CHRM3: variants seen among roughly 807,000 people sequenced by gnomAD.
CHRM3 encodes muscarinic acetylcholine receptor M3.
A neutral mutation model predicts 41.8 loss-of-function variants in CHRM3; 11 were observed. The observed-to-expected ratio is 0.26, with a 90% CI of 0.17 to 0.44. The LOEUF (loss-of-function observed/expected upper bound fraction) is 0.44, where lower values mean the gene tolerates loss of function less well. Among genes scored for constraint, CHRM3 ranks in the 20% least tolerant of loss-of-function variants. The pLI, the probability that CHRM3 is intolerant of heterozygous loss-of-function variation, is 1.00. For missense variants in CHRM3, 571 were observed against 745.4 expected (o/e 0.77, Z 2.72); for synonymous variants, 297 against 301.4 (o/e 0.99, Z 0.15).
intron 4 of CHRM3, among the ~76,000 whole-genome samples, chr1:239,634,379 A>AAGAAAGAAAGACAGAAAGAAAGAC: frequency 6.9e-6 from 1 of 144,078 alleles, no homozygotes; most frequent in African/African-American, 2.7e-5. Flanking sequence ...GAACAAACGA[A>AAGAAAGAAAGACAGAAAGAAAGAC]AGAAAGAAAG....
chr1:239,892,645 T>C (rs558707305), intron 6 of CHRM3, among the ~76,000 whole-genome samples: 49 of 152,322 alleles, frequency 3.2e-4, no homozygotes, highest in African/African-American at 1.2e-3. Context: ...ATAATAGATC[T>C]AGTGGGGAAA....
intron 6 of CHRM3, chr1:239,886,374 A>T (rs1678073442): frequency 6.6e-6 from 1 of 152,180 alleles, no homozygotes; most frequent in African/African-American, 2.4e-5. Context: ...ACCCTGACGG[A>T]TATGGATTCT....
intron 2 of CHRM3, among the ~76,000 whole-genome samples, chr1:239,500,217 C>A (rs1032733636): frequency 2.0e-5 from 3 of 152,088 alleles, no homozygotes; most frequent in African/African-American, 7.2e-5. Context: ...GGAACCAACA[C>A]AAATGTCCAA....
intron 5 of CHRM3, among the ~76,000 whole-genome samples, chr1:239,761,061 A>C (rs1558520530): frequency 6.6e-6 from 1 of 151,686 alleles, no homozygotes; most frequent in Non-Finnish European, 1.5e-5. Context: ...CTTTTTTTTA[A>C]TGCTTTTTCA....
intron 5 of CHRM3, among the ~76,000 whole-genome samples, chr1:239,680,983 G>C (rs1043190707): frequency 6.6e-6 from 1 of 152,128 alleles, no homozygotes; most frequent in Admixed American, 6.5e-5. Context: ...ATGGCGGGAG[G>C]TGAAAGGCAC....
chr1:239,876,908 T>C (rs1360434195), intron 6 of CHRM3, among the ~76,000 whole-genome samples: 1 of 152,220 alleles, frequency 6.6e-6, no homozygotes, highest in Admixed American at 6.5e-5. Flanking sequence ...AGAAGTCATC[T>C]ACTTATTGAA....
chr1:239,493,025 A>C (rs1431943357), intron 2 of CHRM3, among the ~76,000 whole-genome samples: 1 of 152,240 alleles, frequency 6.6e-6, no homozygotes, highest in Non-Finnish European at 1.5e-5. Flanking sequence ...GAAGTAACTG[A>C]GATTCAAAAA....
intron 3 of CHRM3, among the ~76,000 whole-genome samples, chr1:239,591,243 C>A (rs1664116386): frequency 6.6e-6 from 1 of 152,098 alleles, no homozygotes; most frequent in Non-Finnish European, 1.5e-5. Context: ...GTCTCCCTTC[C>A]TTCCTTGGGT....
chr1:239,466,302 A>G (rs1665724247), intron 1 of CHRM3, among the ~76,000 whole-genome samples: 1 of 152,054 alleles, frequency 6.6e-6, no homozygotes, highest in South Asian at 2.1e-4. Context: ...GCCCATTTCA[A>G]TTTAATCAAT....
At chr1:239,614,146 G>A (rs946113673) in intron 3 of CHRM3, among the ~76,000 whole-genome samples, 7 of 152,134 alleles carry the variant, frequency 4.6e-5, no homozygotes, top group Non-Finnish European at 7.3e-5. Context: ...AAGCCTGGGT[G>A]ACAGAATGAG....
intron 5 of CHRM3, among the ~76,000 whole-genome samples, chr1:239,803,282 AG>A (rs1346900649): frequency 1.4e-4 from 22 of 152,342 alleles, no homozygotes; most frequent in Non-Finnish European, 1.2e-4. Context: ...GCCTAACTCC[AG>A]GCAATACATT....
intron 5 of CHRM3, among the ~76,000 whole-genome samples, chr1:239,803,749 A>C (rs941950307): frequency 2.0e-5 from 3 of 152,192 alleles, no homozygotes; most frequent in African/African-American, 7.2e-5. Flanking sequence ...AGGGTGATCA[A>C]GTCAAATGAT....
chr1:239,728,502 G>A (rs1179004323), intron 5 of CHRM3, among the ~76,000 whole-genome samples: 1 of 151,872 alleles, frequency 6.6e-6, no homozygotes, highest in Admixed American at 6.6e-5. Context: ...ATCTTTGTTT[G>A]CCTATATATT....
intron 5 of CHRM3, among the ~76,000 whole-genome samples, chr1:239,711,766 G>A (rs1661821254): frequency 6.6e-6 from 1 of 150,876 alleles, no homozygotes; most frequent in Non-Finnish European, 1.5e-5. Context: ...ACAGCTTACT[G>A]CAGCCTCAAA....
At chr1:239,552,195 AGAT>A (rs923714522) in intron 3 of CHRM3, among the ~76,000 whole-genome samples, 9 of 148,492 alleles carry the variant, frequency 6.1e-5, no homozygotes, top group South Asian at 4.2e-4. Flanking sequence ...TGATGTGTAT[AGAT>A]GATATGTATC....
chr1:239,866,763 G>A (rs1676145526), intron 6 of CHRM3, among the ~76,000 whole-genome samples: 1 of 152,162 alleles, frequency 6.6e-6, no homozygotes, highest in Non-Finnish European at 1.5e-5. Flanking sequence ...GGGCATAGGA[G>A]GAATAAAATA....
At chr1:239,604,298 T>A (rs1665969743) in intron 3 of CHRM3, among the ~76,000 whole-genome samples, 1 of 96,810 alleles carries the variant, frequency 1.0e-5, no homozygotes. Flanking sequence ...CTAGGTTTTT[T>A]TTTTAACTGA....
chr1:239,799,095 A>G (rs777468556), intron 5 of CHRM3, among the ~76,000 whole-genome samples: 7 of 152,214 alleles, frequency 4.6e-5, no homozygotes, highest in African/African-American at 7.2e-5. Context: ...GATATGCTGA[A>G]CACCAGCAAA....
At chr1:239,729,438 G>T (rs1663757561) in intron 5 of CHRM3, among the ~76,000 whole-genome samples, 1 of 151,894 alleles carries the variant, frequency 6.6e-6, no homozygotes, top group Non-Finnish European at 1.5e-5. Context: ...ATGAACTCTG[G>T]TTATTCAGAC....
Sources: allele counts gnomAD v4.1 joint callset (sites outside exome capture counted in the v4.1 genomes callset), GRCh38; gene constraint gnomAD v4.1.1; transcripts MANE v1.5; gene names NCBI Gene and HGNC (gene_info 2026-07-23, HGNC 2026-07-21).